The following GABRR1 variants were observed in gnomAD, a reference collection of about 807,000 sequenced individuals.
GABRR1 encodes the protein gamma-aminobutyric acid receptor subunit rho-1.
GABRR1 carries 59 observed loss-of-function variants against 55.5 expected under a neutral mutation model. That is an observed-to-expected ratio of 1.06 (90% confidence interval 0.86 to 1.32). The LOEUF (loss-of-function observed/expected upper bound fraction) is 1.32, where lower values mean the gene tolerates loss of function less well. Ranked by LOEUF, GABRR1 falls within the 40% of genes most tolerant of loss-of-function variation. GABRR1 has a pLI of 0.00. For synonymous variants in GABRR1, 213 were observed against 226.0 expected (o/e 0.94, Z 0.51); for missense variants, 602 against 619.1 (o/e 0.97, Z 0.29).
At chr6:89,209,048 GGCCTGCTACT>G (rs945557691) in intron 1 of GABRR1, among the ~76,000 whole-genome samples, 5 of 152,070 alleles carry the variant, frequency 3.3e-5, no homozygotes, top group Non-Finnish European at 5.9e-5. Flanking sequence ...AGACAGCCCT[GGCCTGCTACT>G]GCCTTGCCAC....
chr6:89,194,213 A>G (rs560796998), intron 5 of GABRR1, among the ~76,000 whole-genome samples: 28 of 152,282 alleles, frequency 1.8e-4, no homozygotes, highest in African/African-American at 6.7e-4. Flanking sequence ...CACTGTAGGA[A>G]GAATATTCTG....
chr6:89,227,285 A>T (rs986548548), intron 1 of GABRR1, among the ~76,000 whole-genome samples: 1 of 47,100 alleles, frequency 2.1e-5, no homozygotes, highest in Non-Finnish European at 3.8e-5. Context: ...TGCCCTGGCC[A>T]GAACTTCCAA....
intron 6 of GABRR1, among the ~76,000 whole-genome samples, chr6:89,187,069 C>A (rs1178834281): frequency 6.6e-6 from 1 of 152,108 alleles, no homozygotes; most frequent in Non-Finnish European, 1.5e-5. Context: ...GTGTAGGAGT[C>A]ACAGGGGTGT....
chr6:89,190,411 A>G (rs1184233258), intron 5 of GABRR1, among the ~76,000 whole-genome samples, 164 bp from the exon 6 acceptor site: 1 of 152,210 alleles, frequency 6.6e-6, no homozygotes, highest in Non-Finnish European at 1.5e-5. Context: ...GAGTGATACC[A>G]TCACTGGAGT....
rs776768704 is a variant in GABRR1, at chr6:89,184,885, C to CTTTCTTT, written c.796+424_796+425insAAAGAAA. ...TTTCTGCCTTTAGTTTCTTTTCTTT[C>CTTTCTTT]TTTTTTTTTTTTTTTTTTGAGGCAG... On this transcript the variant is annotated intron_variant, in intron 7 of 9. Coordinates refer to ENST00000454853, the MANE Select transcript of GABRR1 (RefSeq NM_002042.5). Among the ~76,000 whole-genome samples the CTTTCTTT allele has an allele frequency of 3.2e-3, 395 of 123,720 alleles. 7 individuals are homozygous for CTTTCTTT. The highest frequency in any genetic ancestry group is 5.7e-3 in the South Asian group (22 of 3,848). 81.2% of individuals were successfully genotyped at this position (123,720 alleles called of 152,430 possible). A position where few individuals can be genotyped will look rare whatever the true frequency, so the allele number is the denominator to read the frequency against.
At chr6:89,185,156 A>T (rs1031063053) in intron 7 of GABRR1, among the ~76,000 whole-genome samples, 154 bp downstream of exon 7, 1 of 152,120 alleles carries the variant, frequency 6.6e-6, no homozygotes, top group Non-Finnish European at 1.5e-5. Context: ...AAGTGCTGGG[A>T]CATGAGCCAC....
chr6:89,217,085 G>C (rs893261482), intron 1 of GABRR1, 116 bp downstream of exon 1: 1 of 1,081,080 alleles, frequency 9.3e-7, no homozygotes, highest in Non-Finnish European at 1.3e-6. Context: ...GGAAGAAAAA[G>C]GCATCCACAC....
chr6:89,194,318 C>T lies in GABRR1; in HGVS notation c.572+3702G>A, dbSNP rs532203178. On this transcript the variant is annotated intron_variant, in intron 5 of 9. Transcript: ENST00000454853. ...CCATTCGGGACTGGCGGTGCAGAGA[C>T]AGACTGGTTACTGGAGCGAGGCGAA... Among the ~76,000 whole-genome samples, 299 of 152,282 alleles carry T rather than the reference C, an allele frequency of 2.0e-3. No individual in the cohort carries two copies. The Middle Eastern group carries it at 0.031, about 16-fold the overall frequency.
intron 1 of GABRR1, among the ~76,000 whole-genome samples, chr6:89,228,782 C>T (rs1046479701): frequency 1.6e-4 from 25 of 151,636 alleles, no homozygotes; most frequent in Admixed American, 3.3e-4. Flanking sequence ...CTATTAGGTC[C>T]GCTTAGTGCA....
intron 6 of GABRR1, among the ~76,000 whole-genome samples, chr6:89,186,211 T>A (rs1456649415): frequency 1.3e-5 from 2 of 152,244 alleles, no homozygotes; most frequent in African/African-American, 4.8e-5. Context: ...ACACTTGACC[T>A]GTGTGATGGT....
intron 2 of GABRR1, among the ~76,000 whole-genome samples, chr6:89,201,517 C>A (rs1562302258): frequency 6.6e-6 from 1 of 152,188 alleles, no homozygotes; most frequent in African/African-American, 2.4e-5. Context: ...CGGTGGCTCA[C>A]GCCTGCAATC....
chr6:89,185,442 T>C lies in GABRR1; in HGVS notation c.664A>G (p.Thr222Ala), dbSNP rs765722653. Residue 222 changes from threonine (T) to alanine (A), a missense_variant, in exon 7 of 10, where the codon ACA becomes GCA. Around this residue, in one of 3 missense-constraint regions of GABRR1, gnomAD observed 435 missense variants for 424.2 expected, o/e 1.03. Transcript: ENST00000454853. ...CSLEIESYAYTEDDLMLYWKK... is the reference protein window; with the variant it reads ...CSLEIESYAYAEDDLMLYWKK... ...CAGTACAGCATGAGGTCATCTTCTG[T>C]ATAGGCATCTGAAAAGACAGGGGCC... 4 of 1,613,434 alleles carry C rather than the reference T, an allele frequency of 2.5e-6. No homozygotes were observed. Among genetic ancestry groups the C allele is most frequent in the Non-Finnish European group, 2.5e-6 (3 of 1,179,520 alleles).
intron 1 of GABRR1, among the ~76,000 whole-genome samples, chr6:89,212,653 T>C (rs534808520): frequency 9.6e-6 from 1 of 104,252 alleles, no homozygotes; most frequent in East Asian, 2.1e-4. Flanking sequence ...GCAGTAAGTT[T>C]TGGGTTATTT....
intron 5 of GABRR1, among the ~76,000 whole-genome samples, chr6:89,190,682 T>C (rs1161815532): frequency 6.6e-6 from 1 of 152,236 alleles, no homozygotes; most frequent in Non-Finnish European, 1.5e-5. Context: ...CAGTGTACAC[T>C]TACCCCAGTT....
chr6:89,183,160 C>CGAAAA (rs1771782971), intron 7 of GABRR1, among the ~76,000 whole-genome samples: 4 of 138,064 alleles, frequency 2.9e-5, no homozygotes, highest in African/African-American at 1.1e-4. Flanking sequence ...AAAAAAAAGA[C>CGAAAA]AAAAAAAAAA....
chr6:89,211,264 CTT>C (rs948449388), intron 1 of GABRR1, among the ~76,000 whole-genome samples: 2 of 152,146 alleles, frequency 1.3e-5, no homozygotes, highest in African/African-American at 4.8e-5. Context: ...ACAGCTTTCT[CTT>C]TGTCATGCAA....
chr6:89,213,943 G>A (rs905427866), intron 1 of GABRR1, among the ~76,000 whole-genome samples: 1 of 11,618 alleles, frequency 8.6e-5, no homozygotes, highest in Admixed American at 5.1e-4. Flanking sequence ...TTTGCATGCT[G>A]AATTGAATCT....
At chr6:89,181,331 A>G (rs755694625) in intron 8 of GABRR1, among the ~76,000 whole-genome samples, 11 of 152,192 alleles carry the variant, frequency 7.2e-5, no homozygotes, top group Admixed American at 1.3e-4. Flanking sequence ...GGTGGTGTGT[A>G]TAAATGGGTA....
In GABRR1 at chr6:89,178,711, A is replaced by T; in HGVS notation, c.*59T>A. On this transcript the variant is annotated 3_prime_UTR_variant, in exon 10 of 10. Transcript: ENST00000454853. Reference sequence around the variant, plus strand: ...CCATATCCTTAAATACTTTTTCATTATACAGTTATTTCTGTAGTGCATGCC... The same window carrying T: ...CCATATCCTTAAATACTTTTTCATTTTACAGTTATTTCTGTAGTGCATGCC... 7.0e-7 allele frequency: 1 copy of T among 1,438,502 alleles called. No individual in the cohort carries two copies. Among genetic ancestry groups the T allele is most frequent in the South Asian group, 1.2e-5 (1 of 84,520 alleles). The allele number at this position is 1,438,502 out of a possible 1,614,324, so 89.1% of individuals were successfully genotyped here.
Sources: allele counts gnomAD v4.1 joint callset (sites outside exome capture counted in the v4.1 genomes callset), GRCh38; gene constraint gnomAD v4.1.1; regional missense constraint gnomAD v4.1.1; transcripts MANE v1.5; gene names NCBI Gene and HGNC (gene_info 2026-07-23, HGNC 2026-07-21).